The following USP54 variants were observed in gnomAD, a reference collection of about 807,000 sequenced individuals.
USP54 encodes the protein ubiquitin specific peptidase 54, also known as ubiquitin carboxyl-terminal hydrolase 54.
USP54 carries 87 observed loss-of-function variants against 170.5 expected under a neutral mutation model. The ratio of observed to expected loss-of-function variants is 0.51; its 90% CI spans 0.43 to 0.61. The LOEUF is 0.61. USP54 is among the 20% of genes least tolerant of loss of function. The pLI is 0.00. For synonymous variants in USP54, 655 were observed against 742.8 expected (o/e 0.88, Z 1.92); for missense variants, 1,786 against 2,047.8 (o/e 0.87, Z 2.47).
intron 1 of USP54, among the ~76,000 whole-genome samples, chr10:73,609,359 A>T (rs1471284916): frequency 1.3e-5 from 2 of 152,228 alleles, no homozygotes; most frequent in East Asian, 3.8e-4. Flanking sequence ...CGGGTCAGAA[A>T]TGAAACAATG....
chr10:73,550,135 G>T (rs1482406118), intron 4 of USP54, among the ~76,000 whole-genome samples: 2 of 152,156 alleles, frequency 1.3e-5, no homozygotes, highest in Admixed American at 1.3e-4. Context: ...TGTTGGCCAG[G>T]TTGGTCTTGA....
At chr10:73,608,206 G>A (rs923781982) in intron 1 of USP54, among the ~76,000 whole-genome samples, 7 of 152,058 alleles carry the variant, frequency 4.6e-5, no homozygotes, top group African/African-American at 1.7e-4. Flanking sequence ...GTTGCAGTGA[G>A]CCGAGTTCAT....
chr10:73,576,446 C>T (rs1305393775), intron 1 of USP54, 85 bp from the exon 2 acceptor site: 1 of 150,338 alleles, frequency 6.7e-6, no homozygotes, highest in African/African-American at 2.4e-5. Context: ...ATCAACGTTG[C>T]CTCACTTCTC....
Position 73,557,494 on chromosome 10 carries a change from T to TTA in USP54, c.241-11823_241-11822insTA, listed in dbSNP as rs199513231. Among the ~76,000 whole-genome samples the TTA allele has an allele frequency of 2.2e-3, 327 of 148,144 alleles. 1 individual carries two copies. Among genetic ancestry groups the TTA allele is most frequent in the African/African-American group, 7.9e-3 (300 of 37,974 alleles). On this transcript the variant is annotated intron_variant, in intron 4 of 23. Transcript: ENST00000687698. Reference sequence around the variant, plus strand: ...GCCCACCACACCTGGCTAATTTTTTTTTTTTTTTTTGAGACGGAGTCTCAC... The same window carrying TTA: ...GCCCACCACACCTGGCTAATTTTTTTTATTTTTTTTTTGAGACGGAGTCTCAC...
intron 3 of USP54, 151 bp downstream of exon 3, chr10:73,575,361 G>A: frequency 1.1e-6 from 1 of 882,508 alleles, no homozygotes; most frequent in Non-Finnish European, 1.6e-6. Context: ...AAAGTGACTT[G>A]CCAAAGATCA....
intron 22 of USP54, 61 bp downstream of exon 22, chr10:73,504,789 C>T: frequency 1.9e-6 from 3 of 1,609,876 alleles, no homozygotes; most frequent in East Asian, 2.2e-5. Context: ...TTCACCTGCA[C>T]TGTATTTTTG....
chr10:73,519,743 C>T (rs1267452743), intron 19 of USP54, 54 bp downstream of exon 19: 13 of 1,608,954 alleles, frequency 8.1e-6, no homozygotes, highest in African/African-American at 1.3e-5. Flanking sequence ...ACAGAATACT[C>T]ATGGTCATTT....
intron 4 of USP54, among the ~76,000 whole-genome samples, chr10:73,567,175 T>A (rs1342908677): frequency 6.6e-6 from 1 of 151,796 alleles, no homozygotes; most frequent in Non-Finnish European, 1.5e-5. Flanking sequence ...CACCACATCC[T>A]GCCGGTACTG....
intron 1 of USP54, among the ~76,000 whole-genome samples, chr10:73,617,662 T>G (rs773771266): frequency 6.7e-6 from 1 of 149,860 alleles, no homozygotes; most frequent in Non-Finnish European, 1.5e-5. Flanking sequence ...AGACCTCATC[T>G]CTTCAAAAAA....
chr10:73,573,073 C>A (rs2075488721), intron 3 of USP54, among the ~76,000 whole-genome samples: 2 of 151,876 alleles, frequency 1.3e-5, no homozygotes, highest in Non-Finnish European at 2.9e-5. Flanking sequence ...CATTTGAGCC[C>A]AGGAGTTCAA....
At chr10:73,573,139 A>C (rs771563960) in intron 3 of USP54, among the ~76,000 whole-genome samples, 6 of 151,962 alleles carry the variant, frequency 3.9e-5, no homozygotes, top group Non-Finnish European at 8.8e-5. Flanking sequence ...TAAAAAAAAA[A>C]ATTAGCTGCG....
chr10:73,534,859 A>C, intron 11 of USP54, 89 bp from the exon 12 acceptor site: 17 of 1,284,644 alleles, frequency 1.3e-5, no homozygotes, highest in Non-Finnish European at 1.8e-5. Context: ...ACAAAGCTCC[A>C]TAAGGCAAGA....
At chr10:73,603,670 C>G (rs931585315) in intron 1 of USP54, among the ~76,000 whole-genome samples, 1 of 151,930 alleles carries the variant, frequency 6.6e-6, no homozygotes, top group African/African-American at 2.4e-5. Flanking sequence ...AGCACTTTAA[C>G]CCGGGAGGCA....
Position 73,583,153 on chromosome 10 carries a change from A to G in USP54, c.-581-6792T>C, listed in dbSNP as rs182392199. On this transcript the variant is annotated intron_variant, in intron 1 of 23. Transcript: ENST00000687698. ...TTATAAAAGACAAAGAAAGACTAAGAAACTTTTACAGAATACAGAAGAGTA... is the reference window on the plus strand; with the variant it reads ...TTATAAAAGACAAAGAAAGACTAAGGAACTTTTACAGAATACAGAAGAGTA... Among the ~76,000 whole-genome samples the G allele has an allele frequency of 5.3e-5, 8 of 152,348 alleles. No individual in the cohort carries two copies. The East Asian group carries it at 1.3e-3, about 26-fold the overall frequency.
chr10:73,580,830 C>T lies in USP54; in HGVS notation c.-581-4469G>A, dbSNP rs199548658. 7.9e-5 allele frequency among the ~76,000 whole-genome samples: 12 copies of T among 152,310 alleles called. No homozygotes were observed. In the East Asian group the frequency reaches 2.3e-3, roughly 29 times the overall value. On this transcript the variant is annotated intron_variant, in intron 1 of 23. Coordinates refer to ENST00000687698, the MANE Select transcript of USP54 (RefSeq NM_001391956.1). ...CTGACTTCAGGTGATCCTCCCGCCT[C>T]AGCCTCCCAAAGTGCTGGGATTACA...
chr10:73,598,930 T>C (rs1363067948), intron 1 of USP54, among the ~76,000 whole-genome samples: 1 of 150,548 alleles, frequency 6.6e-6, no homozygotes, highest in East Asian at 2.0e-4. Flanking sequence ...AACAAACAAA[T>C]TAGCTGGGTT....
At chr10:73,501,517 T>A (rs953092431) in intron 22 of USP54, among the ~76,000 whole-genome samples, 16 of 152,204 alleles carry the variant, frequency 1.1e-4, no homozygotes, top group Admixed American at 6.5e-4. Context: ...TATTCAAACA[T>A]TGGCAATGAC....
At chr10:73,617,825 G>A (rs181403533) in intron 1 of USP54, among the ~76,000 whole-genome samples, 1 of 149,974 alleles carries the variant, frequency 6.7e-6, no homozygotes, top group African/African-American at 2.5e-5. Flanking sequence ...TGAGAGGATT[G>A]TTTGAGTCCA....
intron 1 of USP54, among the ~76,000 whole-genome samples, chr10:73,613,125 C>T (rs1022228620): frequency 1.3e-5 from 2 of 150,122 alleles, no homozygotes; most frequent in Admixed American, 6.7e-5. Context: ...CTACTGCATT[C>T]CAGCCTCTTT....
Sources: allele counts gnomAD v4.1 joint callset (sites outside exome capture counted in the v4.1 genomes callset), GRCh38; gene constraint gnomAD v4.1.1; transcripts MANE v1.5; gene names NCBI Gene and HGNC (gene_info 2026-07-23, HGNC 2026-07-21).